Variants in ZNF14 observed in about 807,000 individuals in gnomAD.
ZNF14 encodes the protein zinc finger protein 14.
In ZNF14, 9 loss-of-function variants were observed where a neutral mutation model predicts 11.3. That is an observed-to-expected ratio of 0.80 (90% CI 0.48 to 1.39). The LOEUF is 1.39. Among genes scored for constraint, ZNF14 ranks in the 40% most tolerant of loss-of-function variants. ZNF14 has a pLI of 0.00. For synonymous variants in ZNF14, 239 were observed against 245.7 expected, an observed-to-expected ratio of 0.97 and a Z score of 0.25; for missense variants, 711 against 763.9, an observed-to-expected ratio of 0.93 and a Z score of 0.82.
Position 19,714,367 on chromosome 19 carries a change from A to G in ZNF14, c.124T>C (p.Cys42Arg). The G allele has an allele frequency of 6.2e-7, 1 of 1,614,004 alleles. No homozygotes were observed. Among genetic ancestry groups the G allele is most frequent in the Non-Finnish European group, 8.5e-7 (1 of 1,180,008 alleles). The change falls in exon 2 of 4, where the codon TGT becomes CGT. Residue 42 changes from cysteine to arginine, a missense_variant. Cys to Arg is a radical substitution (Grantham distance 180). Coordinates refer to ENST00000344099, the MANE Select transcript of ZNF14 (RefSeq NM_021030.3). ...VMQETFKNLV[C>R]LGKKWEDQDI... Reference sequence around the variant, plus strand: ...GAAATGTTGATATCCTTACCTAGACAAACCAGGTTTTTGAAGGTCTCCTGC... The same window carrying G: ...GAAATGTTGATATCCTTACCTAGACGAACCAGGTTTTTGAAGGTCTCCTGC...
chr19:19,714,713 C>CTTTT lies in ZNF14; in HGVS notation c.4-230_4-227dup, dbSNP rs3031866. On this transcript the variant is annotated intron_variant, in intron 1 of 3. Transcript: ENST00000344099. ...TTTTTTCTTTTTCCTTTTTCTTTTTCTTTTTTTTTTTTTTTTGAGACAGAG... is the reference window on the plus strand; with the variant it reads ...TTTTTTCTTTTTCCTTTTTCTTTTTCTTTTTTTTTTTTTTTTTTTTGAGACAGAG... 4.8e-3 allele frequency among the ~76,000 whole-genome samples: 587 copies of CTTTT among 122,828 alleles called. 14 individuals are homozygous for CTTTT. Among genetic ancestry groups the CTTTT allele is most frequent in the African/African-American group, 0.014 (488 of 33,842 alleles). 80.6% of individuals were successfully genotyped at this position (122,828 alleles called of 152,430 possible).
intron 1 of ZNF14, among the ~76,000 whole-genome samples, 189 bp downstream of exon 1, chr19:19,732,767 G>A (rs2062427834): frequency 1.3e-5 from 2 of 152,158 alleles, no homozygotes; most frequent in Non-Finnish European, 2.9e-5. Context: ...CGCCCCGCGG[G>A]GACGGGACAG....
chr19:19,714,713 C>CTTTTCTTT (rs1555761423), intron 1 of ZNF14, among the ~76,000 whole-genome samples: 11 of 122,846 alleles, frequency 9.0e-5, no homozygotes, highest in African/African-American at 3.2e-4. Context: ...TTTTCTTTTT[C>CTTTTCTTT]TTTTTTTTTT....
chr19:19,712,924 A>C lies in ZNF14; in HGVS notation c.357T>G (p.Asn119Lys), dbSNP rs752368549. 123 of 1,613,996 alleles carry C rather than the reference A, an allele frequency of 7.6e-5. No homozygotes were observed. The Admixed American group carries it at 8.0e-4, about 10-fold the overall frequency. Reference sequence around the variant, plus strand: ...GTCCAGTGTGAGATCTCATGTGCCTATTAAGGGACGAATGATGAATGAAGT... The same window carrying C: ...GTCCAGTGTGAGATCTCATGTGCCTCTTAAGGGACGAATGATGAATGAAGT... ...GRDFIHHSSL[N>K]RHMRSHTGQK... Residue 119 changes from asparagine (N) to lysine (K), a missense_variant, in exon 4 of 4, where the codon AAT becomes AAG. Transcript: ENST00000344099.
Position 19,714,472 on chromosome 19 carries a change from CAA to C in ZNF14, c.17_18del (p.Phe6Ter), listed in dbSNP as rs772534392. On this transcript the variant is annotated frameshift_variant, in exon 2 of 4. Coordinates refer to ENST00000344099, the MANE Select transcript of ZNF14 (RefSeq NM_021030.3). LOFTEE classifies it high-confidence loss of function. MDSVSFEDVAVNFTLE... is the reference protein window; with the variant it reads MDSVSXEDVAVNFTLE... ...AGGGTGAAGTTCACGGCCACATCCT[CAA>C]AGGAGACTGAGTCCTGAAACATTCC... The C allele has an allele frequency of 6.2e-7, 1 of 1,613,454 alleles. No homozygotes were observed. The highest frequency in any genetic ancestry group is 1.7e-5 in the Admixed American group (1 of 59,668).
Position 19,714,409 on chromosome 19 carries a change from G to T in ZNF14, c.82C>A (p.Leu28Ile), listed in dbSNP as rs1342285824. 1 of 1,614,050 alleles carries T rather than the reference G, an allele frequency of 6.2e-7. No individual in the cohort carries two copies. Among genetic ancestry groups the T allele is most frequent in the East Asian group, 2.2e-5 (1 of 44,876 alleles). Reference sequence around the variant, plus strand: ...GTCTCCTGCATCACATCTTCATAGAGCTTTTTCTGTGAAGAATCCAGCAAA... The same window carrying T: ...GTCTCCTGCATCACATCTTCATAGATCTTTTTCTGTGAAGAATCCAGCAAA... ...WALLDSSQKKLYEDVMQETFK... is the reference protein window; with the variant it reads ...WALLDSSQKKIYEDVMQETFK... Residue 28 changes from leucine (L) to isoleucine (I), a missense_variant, in exon 2 of 4, where the codon CTC (leucine) becomes ATC (isoleucine). By Grantham distance (5) the Leu-to-Ile change is conservative. Transcript: ENST00000344099.
chr19:19,719,709 A>C (rs1032925287), intron 1 of ZNF14, among the ~76,000 whole-genome samples: 4 of 152,176 alleles, frequency 2.6e-5, no homozygotes, highest in African/African-American at 7.2e-5. Context: ...ACAAATAGAA[A>C]AACATAAAAA....
rs752612951 is a variant in ZNF14, at chr19:19,732,966, C to T, written c.-8G>A. 1.9e-5 allele frequency: 31 copies of T among 1,613,534 alleles called. No individual in the cohort carries two copies. The highest frequency in any genetic ancestry group is 1.5e-4 in the Admixed American group (9 of 59,976). On this transcript the variant is annotated 5_prime_UTR_variant, in exon 1 of 4. Transcript: ENST00000344099. ...GCCCCGCACACTCACCATTTCCCAG[C>T]GTCCGGGAAGTCACGGTGTCCTCCC...
Position 19,711,675 on chromosome 19 carries a change from A to G in ZNF14, c.1606T>C (p.Cys536Arg), listed in dbSNP as rs2062360639. 1 of 1,614,066 alleles carries G rather than the reference A, an allele frequency of 6.2e-7. No homozygotes were observed. The highest frequency in any genetic ancestry group is 1.1e-5 in the South Asian group (1 of 91,078). The change falls in exon 4 of 4, where the codon TGT (cysteine) becomes CGT (arginine). Residue 536 changes from cysteine to arginine, a missense_variant. Coordinates refer to ENST00000344099, the MANE Select transcript of ZNF14 (RefSeq NM_021030.3). ...CTGGAACGAAGGAAGGCCTTACCAC[A>G]TTGCTTACACTCAAAAGGCTTATTT... ...TGNKPFECKQ[C>R]GKAFLRSSQI...
At position 19,712,719 on chromosome 19, in the gene ZNF14, C is replaced by A; in HGVS notation, c.562G>T (p.Glu188Ter). Residue 188 changes from glutamate (E) to a stop codon, truncating the protein, a stop_gained, in exon 4 of 4, where the codon GAA (glutamate) becomes TAA (stop). Coordinates refer to ENST00000344099, the MANE Select transcript of ZNF14 (RefSeq NM_021030.3). LOFTEE classifies it low-confidence loss of function (END_TRUNC). ...GGTTTCTGTCCAGCATGAGTCCTTT[C>A]ATGTCTTTGAAATGGCTGGTAATAT... Reference protein sequence around the residue: ...FIYYQPFQRHERTHAGQKPYE... With the variant: ...FIYYQPFQRH 6.2e-7 allele frequency: 1 copy of A among 1,612,814 alleles called. No homozygotes were observed. Among genetic ancestry groups the A allele is most frequent in the South Asian group, 1.1e-5 (1 of 90,880 alleles).
Position 19,711,425 on chromosome 19 carries a change from T to G in ZNF14, c.1856A>C (p.Gln619Pro), listed in dbSNP as rs1453332710. 3 of 1,605,190 alleles carry G rather than the reference T, an allele frequency of 1.9e-6. No homozygotes were observed. The highest frequency in any genetic ancestry group is 2.5e-6 in the Non-Finnish European group (3 of 1,176,824). Residue 619 changes from glutamine (Q) to proline (P), a missense_variant, in exon 4 of 4, where the codon CAA becomes CCA. By Grantham distance (76) the Gln-to-Pro change is moderately conservative. Transcript: ENST00000344099. ...GGAAGAAATGAAGGCTTTTCCACAT[T>G]GTTTGCATTCATAAGGTTTCTCTCC... The part of the protein sequence containing the change: ...HTGEKPYECK[Q>P]CGKAFISSSH...
chr19:19,732,728 T>C (rs1057305678), intron 1 of ZNF14, among the ~76,000 whole-genome samples: 1 of 152,102 alleles, frequency 6.6e-6, no homozygotes, highest in Non-Finnish European at 1.5e-5. Flanking sequence ...GAGCTGCCCA[T>C]AGAGGGCTCC....
chr19:19,726,383 G>A (rs1039520195), intron 1 of ZNF14, among the ~76,000 whole-genome samples: 1 of 134,222 alleles, frequency 7.5e-6, no homozygotes, highest in Non-Finnish European at 1.7e-5. Flanking sequence ...TATCACCAGC[G>A]GAGGCTGCAG....
At chr19:19,714,711 TTC>T (rs1365819559) in intron 1 of ZNF14, among the ~76,000 whole-genome samples, 11 of 118,684 alleles carry the variant, frequency 9.3e-5, no homozygotes, top group African/African-American at 3.2e-4. Context: ...CTTTTTCTTT[TTC>T]TTTTTTTTTT....
chr19:19,717,291 C>A (rs927449720), intron 1 of ZNF14, among the ~76,000 whole-genome samples: 1 of 152,088 alleles, frequency 6.6e-6, no homozygotes, highest in Non-Finnish European at 1.5e-5. Context: ...ACAAAACATA[C>A]AACTCAGGAA....
Position 19,711,426 on chromosome 19 carries a change from G to A in ZNF14, c.1855C>T (p.Gln619Ter). The A allele has an allele frequency of 6.2e-7, 1 of 1,605,896 alleles. No individual in the cohort carries two copies. The highest frequency in any genetic ancestry group is 8.5e-7 in the Non-Finnish European group (1 of 1,177,044). ...HTGEKPYECK[Q>*]CGKAFISSSH... ...GAAGAAATGAAGGCTTTTCCACATT[G>A]TTTGCATTCATAAGGTTTCTCTCCA... The change falls in exon 4 of 4, where the codon CAA (glutamine) becomes TAA (stop). Residue 619 changes from glutamine (Q) to a stop codon, truncating the protein, a stop_gained. Transcript: ENST00000344099. LOFTEE classifies it low-confidence loss of function (END_TRUNC).
In ZNF14 at chr19:19,729,856, C is replaced by T. The variant is rs536094669; in HGVS notation, c.3+3100G>A. Among the ~76,000 whole-genome samples, 9 of 152,156 alleles carry T rather than the reference C, an allele frequency of 5.9e-5. No individual in the cohort carries two copies. In the South Asian group the frequency reaches 1.9e-3, roughly 32 times the overall value. ...TCATCCTACAGGTGAAAAACCTTAC[C>T]CTCACCCATTTTTCAATATAATTTA... On this transcript the variant is annotated intron_variant, in intron 1 of 3. Coordinates refer to ENST00000344099, the MANE Select transcript of ZNF14 (RefSeq NM_021030.3).
rs1438633473 is a variant in ZNF14 at position 19,727,694 on chromosome 19, G to GA, written c.3+5261dup. On this transcript the variant is annotated intron_variant, in intron 1 of 3. Transcript: ENST00000344099. ...AATAATATGTAGTCTCAGACCATTT[G>GA]AAATGAATGCCTAAAGAGTTTCTAC... Among the ~76,000 whole-genome samples the GA allele has an allele frequency of 2.2e-5, 3 of 133,718 alleles. 1 individual carries two copies. The South Asian group carries it at 7.3e-4, about 33-fold the overall frequency. 87.7% of individuals were successfully genotyped at this position (133,718 alleles called of 152,430 possible).
In ZNF14 at chr19:19,733,024, C is replaced by G; in HGVS notation, c.-66G>C. 6.3e-7 allele frequency: 1 copy of G among 1,596,448 alleles called. No homozygotes were observed. Among genetic ancestry groups the G allele is most frequent in the Non-Finnish European group, 8.5e-7 (1 of 1,169,992 alleles). On this transcript the variant is annotated 5_prime_UTR_variant, in exon 1 of 4. Transcript: ENST00000344099. Reference sequence around the variant, plus strand: ...CTGTCAGTACCTGCAGGTCACGGCGCGACAAAGGATGCGCTAGAGCCACCT... The same window carrying G: ...CTGTCAGTACCTGCAGGTCACGGCGGGACAAAGGATGCGCTAGAGCCACCT...
Sources: gnomAD v4.1 joint callset for allele counts (sites outside exome capture counted in the v4.1 genomes callset) on GRCh38, gnomAD v4.1.1 for gene constraint, MANE v1.5 for transcripts, NCBI Gene and HGNC (gene_info 2026-07-23, HGNC 2026-07-21) for gene names.